Variants in SLIT2 observed in about 807,000 individuals in gnomAD.
SLIT2 encodes the protein slit guidance ligand 2.
In SLIT2, 41 loss-of-function variants were observed where a neutral mutation model predicts 185.7. The ratio of observed to expected loss-of-function variants is 0.22; its 90% CI spans 0.17 to 0.29. The LOEUF (loss-of-function observed/expected upper bound fraction) is 0.29, where lower values mean the gene tolerates loss of function less well. Among genes scored for constraint, SLIT2 ranks in the 10% least tolerant of loss-of-function variants. SLIT2 has a pLI of 1.00. For missense variants in SLIT2, 1,571 were observed against 1,909.0 expected (o/e 0.82, Z 3.30); for synonymous variants, 693 against 680.2 (o/e 1.02, Z -0.29).
At chr4:20,361,898 T>A (rs1354844687) in intron 4 of SLIT2, among the ~76,000 whole-genome samples, 1 of 152,136 alleles carries the variant, frequency 6.6e-6, no homozygotes. Context: ...TCTGTAAATA[T>A]GTCCTAAATT....
At chr4:20,325,913 T>C (rs1719544056) in intron 4 of SLIT2, among the ~76,000 whole-genome samples, 1 of 152,134 alleles carries the variant, frequency 6.6e-6, no homozygotes, top group South Asian at 2.1e-4. Context: ...TGGAATACAG[T>C]GATGAAAGAA....
intron 3 of SLIT2, among the ~76,000 whole-genome samples, chr4:20,260,858 C>T (rs1381714068): frequency 6.6e-6 from 1 of 151,758 alleles, no homozygotes; most frequent in Non-Finnish European, 1.5e-5. Flanking sequence ...AATACCTCCT[C>T]CTTTCTTTCC....
At chr4:20,473,659 A>G (rs1393015949) in intron 5 of SLIT2, among the ~76,000 whole-genome samples, 1 of 152,018 alleles carries the variant, frequency 6.6e-6, no homozygotes, top group Non-Finnish European at 1.5e-5. Flanking sequence ...TCACAGTTCT[A>G]TCCCAGAGGC....
At chr4:20,341,477 A>C (rs1720959184) in intron 4 of SLIT2, among the ~76,000 whole-genome samples, 1 of 152,244 alleles carries the variant, frequency 6.6e-6, no homozygotes, top group Non-Finnish European at 1.5e-5. Flanking sequence ...TTTCAAATAG[A>C]GTGAAAGAAA....
intron 4 of SLIT2, among the ~76,000 whole-genome samples, chr4:20,349,510 G>A (rs962435489): frequency 6.6e-6 from 1 of 152,080 alleles, no homozygotes; most frequent in African/African-American, 2.4e-5. Flanking sequence ...AAGATATGAT[G>A]CTATTGAAAG....
chr4:20,319,468 T>G (rs1021824716), intron 4 of SLIT2, among the ~76,000 whole-genome samples: 1 of 152,134 alleles, frequency 6.6e-6, no homozygotes, highest in Non-Finnish European at 1.5e-5. Flanking sequence ...AGGAAAAATA[T>G]TAAATTTAGA....
chr4:20,345,544 C>T (rs10002791), intron 4 of SLIT2, among the ~76,000 whole-genome samples: 115,423 of 138,670 alleles, frequency 0.83, 47,284 homozygotes, highest in South Asian at 0.87. Flanking sequence ...TTTCTTTTTT[C>T]TTTTTTTTTG....
intron 4 of SLIT2, among the ~76,000 whole-genome samples, chr4:20,377,769 G>A (rs780448075): frequency 6.6e-6 from 1 of 152,118 alleles, no homozygotes; most frequent in Non-Finnish European, 1.5e-5. Context: ...TTTGAAGGAG[G>A]TAGTTGGTTT....
chr4:20,316,985 A>G (rs1485649000), intron 4 of SLIT2, among the ~76,000 whole-genome samples: 1 of 151,006 alleles, frequency 6.6e-6, no homozygotes, highest in Non-Finnish European at 1.5e-5. Flanking sequence ...TATGTGTAAA[A>G]CACATGGGAT....
intron 21 of SLIT2, among the ~76,000 whole-genome samples, chr4:20,544,900 T>G (rs2148883146): frequency 6.6e-6 from 1 of 152,034 alleles, no homozygotes; most frequent in East Asian, 1.9e-4. Context: ...AAGAAAAACT[T>G]AGGTAGAGGA....
intron 10 of SLIT2, 45 bp from the exon 11 acceptor site, chr4:20,511,021 A>T (rs747474735): frequency 1.9e-5 from 23 of 1,224,414 alleles, no homozygotes; most frequent in Non-Finnish European, 2.7e-5. Context: ...AGTAAATCTC[A>T]CTGACATTTG....
chr4:20,334,946 T>A (rs886895569), intron 4 of SLIT2, among the ~76,000 whole-genome samples: 7 of 152,186 alleles, frequency 4.6e-5, no homozygotes, highest in Non-Finnish European at 1.5e-5. Flanking sequence ...AATAAATATG[T>A]TTCAGGGATC....
rs201926839 is a variant in SLIT2, at chr4:20,550,913, T to A, written c.2561+15T>A. 86 of 1,504,744 alleles carry A rather than the reference T, an allele frequency of 5.7e-5. No homozygotes were observed. The East Asian group carries it at 1.5e-3, about 27-fold the overall frequency. 93.2% of individuals were successfully genotyped at this position (1,504,744 alleles called of 1,614,324 possible). On this transcript the variant is annotated intron_variant, in intron 25 of 36. Coordinates refer to ENST00000504154, the MANE Select transcript of SLIT2 (RefSeq NM_004787.4). ...TTATCACATCTGTGAGTACCTAGTTTATGAATATAGGTTTAGGGTCAAACA... is the reference window on the plus strand; with the variant it reads ...TTATCACATCTGTGAGTACCTAGTTAATGAATATAGGTTTAGGGTCAAACA...
chr4:20,510,990 G>A, intron 10 of SLIT2, 76 bp from the exon 11 acceptor site: 1 of 888,894 alleles, frequency 1.1e-6, no homozygotes, highest in South Asian at 1.4e-5. Flanking sequence ...ACATTTAAAA[G>A]CCATACATAG....
chr4:20,462,820 C>T (rs532724056), intron 4 of SLIT2, among the ~76,000 whole-genome samples: 37 of 152,278 alleles, frequency 2.4e-4, no homozygotes, highest in Non-Finnish European at 4.7e-4. Context: ...GCTCATTCCA[C>T]ACAGGTCATA....
intron 4 of SLIT2, among the ~76,000 whole-genome samples, chr4:20,409,251 T>C (rs1354650303): frequency 5.9e-5 from 9 of 152,180 alleles, no homozygotes; most frequent in Admixed American, 5.2e-4. Flanking sequence ...GGCCCCTGTG[T>C]GTGTTGTTCC....
chr4:20,480,633 A>T, intron 5 of SLIT2, 83 bp from the exon 6 acceptor site: 1 of 971,336 alleles, frequency 1.0e-6, no homozygotes, highest in Non-Finnish European at 1.7e-6. Flanking sequence ...CCAGGGTATC[A>T]TAGACCCTTC....
At chr4:20,353,135 A>G (rs185632090) in intron 4 of SLIT2, among the ~76,000 whole-genome samples, 9 of 152,254 alleles carry the variant, frequency 5.9e-5, no homozygotes. Flanking sequence ...CTGTAGTAGG[A>G]AAAACAGGTT....
intron 4 of SLIT2, among the ~76,000 whole-genome samples, chr4:20,465,314 C>T (rs1714214901): frequency 6.6e-6 from 1 of 152,138 alleles, no homozygotes; most frequent in Admixed American, 6.6e-5. Flanking sequence ...GAAACAGTAT[C>T]TATTTTACAA....
Sources: gnomAD v4.1 joint callset for allele counts (sites outside exome capture counted in the v4.1 genomes callset) on GRCh38, gnomAD v4.1.1 for gene constraint, MANE v1.5 for transcripts, NCBI Gene and HGNC (gene_info 2026-07-23, HGNC 2026-07-21) for gene names.